TSPAN9: variants seen among roughly 807,000 people sequenced by gnomAD.
TSPAN9 encodes tetraspanin-9.
A neutral mutation model predicts 31.0 loss-of-function variants in TSPAN9; 16 were observed. The observed-to-expected ratio is 0.52, with a 90% CI of 0.35 to 0.78. The LOEUF (loss-of-function observed/expected upper bound fraction) is 0.78, where lower values mean the gene tolerates loss of function less well. Ranked by LOEUF, TSPAN9 falls within the 30% of genes least tolerant of loss-of-function variation. The pLI is 0.01. For missense variants in TSPAN9, 272 were observed against 312.5 expected (o/e 0.87, Z 0.98); for synonymous variants, 145 against 121.6 (o/e 1.19, Z -1.27).
intron 3 of TSPAN9, among the ~76,000 whole-genome samples, chr12:3,205,305 G>A (rs1020260470): frequency 2.0e-5 from 3 of 152,230 alleles, no homozygotes; most frequent in East Asian, 1.9e-4. Flanking sequence ...TGAGGAGGCC[G>A]TGTTCAGCCA....
intron 3 of TSPAN9, among the ~76,000 whole-genome samples, chr12:3,276,394 G>A (rs900410832): frequency 1.7e-4 from 26 of 152,156 alleles, no homozygotes; most frequent in African/African-American, 5.8e-4. Flanking sequence ...CGGCCACCCC[G>A]CCTGCTTTGT....
At chr12:3,167,149 C>T (rs2098348901) in intron 2 of TSPAN9, among the ~76,000 whole-genome samples, 1 of 152,144 alleles carries the variant, frequency 6.6e-6, no homozygotes, top group Non-Finnish European at 1.5e-5. Flanking sequence ...GTTCTTTTGT[C>T]TAGCTTCTAT....
chr12:3,093,857 T>C (rs557959352), intron 2 of TSPAN9, among the ~76,000 whole-genome samples: 1 of 152,280 alleles, frequency 6.6e-6, no homozygotes, highest in South Asian at 2.1e-4. Flanking sequence ...TTATTGTTAA[T>C]TTGTACTTAT....
chr12:3,136,973 C>CG (rs1302601527), intron 2 of TSPAN9, among the ~76,000 whole-genome samples: 4 of 152,182 alleles, frequency 2.6e-5, no homozygotes. Context: ...GTGAAGGCTT[C>CG]GGGTGTGGAA....
intron 2 of TSPAN9, chr12:3,171,695 A>G (rs1728489525): frequency 6.6e-6 from 1 of 152,218 alleles, no homozygotes; most frequent in Non-Finnish European, 1.5e-5. Flanking sequence ...ATGAACTGCT[A>G]TTGACAGATG....
chr12:3,095,237 C>T (rs1379898548), intron 2 of TSPAN9, among the ~76,000 whole-genome samples: 2 of 131,476 alleles, frequency 1.5e-5, no homozygotes, highest in East Asian at 2.1e-4. Flanking sequence ...TTTCTTAGTG[C>T]AGAACAAAAT....
chr12:3,220,783 G>A (rs934178555), intron 3 of TSPAN9, among the ~76,000 whole-genome samples: 9 of 152,050 alleles, frequency 5.9e-5, no homozygotes, highest in Non-Finnish European at 8.8e-5. Flanking sequence ...CCAGCACAGA[G>A]GGCTCTCGGT....
intron 7 of TSPAN9, 142 bp downstream of exon 7, chr12:3,281,471 A>G: frequency 1.0e-6 from 1 of 995,490 alleles, no homozygotes; most frequent in Non-Finnish European, 1.4e-6. Context: ...AATAAAGCCA[A>G]AAGACAGGTG....
At chr12:3,109,299 T>TGTGA (rs1274383200) in intron 2 of TSPAN9, among the ~76,000 whole-genome samples, 33 of 118,350 alleles carry the variant, frequency 2.8e-4, no homozygotes, top group African/African-American at 1.5e-3. Flanking sequence ...TGTGTGTGTG[T>TGTGA]GAGAGAGAGT....
chr12:3,209,988 T>A lies in TSPAN9; in HGVS notation c.63+8732T>A, dbSNP rs898365583. Among the ~76,000 whole-genome samples the A allele has an allele frequency of 4.0e-3, 131 of 32,702 alleles. 24 individuals carry two copies. The highest frequency in any genetic ancestry group is 6.6e-3 in the Non-Finnish European group (71 of 10,818). 21.5% of individuals were successfully genotyped at this position (32,702 alleles called of 152,430 possible). A position where few individuals can be genotyped will look rare whatever the true frequency, so the allele number is the denominator to read the frequency against. On this transcript the variant is annotated intron_variant, in intron 3 of 8. Coordinates refer to ENST00000011898, the MANE Select transcript of TSPAN9 (RefSeq NM_006675.5). Reference sequence around the variant, plus strand: ...AAAAAAAAAAAAAAAAAAAAAAAATTAGCCGGGTGTGGTGGCGGGTGCCTG... The same window carrying A: ...AAAAAAAAAAAAAAAAAAAAAAAATAAGCCGGGTGTGGTGGCGGGTGCCTG...
chr12:3,224,763 G>A (rs901838444), intron 3 of TSPAN9, among the ~76,000 whole-genome samples: 20 of 152,234 alleles, frequency 1.3e-4, no homozygotes, highest in African/African-American at 4.3e-4. Flanking sequence ...CTGGTTTGAC[G>A]TCAGCACGGG....
intron 2 of TSPAN9, among the ~76,000 whole-genome samples, chr12:3,134,612 C>T (rs1591642139): frequency 6.6e-6 from 1 of 152,132 alleles, no homozygotes; most frequent in East Asian, 1.9e-4. Context: ...CAGATGGGCC[C>T]TCTGGAGGGA....
chr12:3,174,740 GC>G (rs1470082702), intron 2 of TSPAN9, among the ~76,000 whole-genome samples: 6 of 136,528 alleles, frequency 4.4e-5, no homozygotes, highest in Non-Finnish European at 1.0e-4. Context: ...CCACCACCGC[GC>G]CCGGCTAATT....
intron 3 of TSPAN9, among the ~76,000 whole-genome samples, chr12:3,268,160 A>AGCCTGCCCTCCGTGTG (rs1565639161): frequency 1.5e-5 from 2 of 130,086 alleles, no homozygotes; most frequent in African/African-American, 2.9e-5. Context: ...CCCTCCGTGC[A>AGCCTGCCCTCCGTGTG]TTCCTGCAGC....
intron 2 of TSPAN9, among the ~76,000 whole-genome samples, chr12:3,104,114 A>G (rs1396171555): frequency 6.6e-6 from 1 of 152,062 alleles, no homozygotes; most frequent in Non-Finnish European, 1.5e-5. Context: ...GTGGGAGCAC[A>G]TGAGGCCTGT....
chr12:3,090,557 T>C (rs2098303763), intron 2 of TSPAN9, among the ~76,000 whole-genome samples: 1 of 152,232 alleles, frequency 6.6e-6, no homozygotes, highest in Admixed American at 6.5e-5. Context: ...GACCTCTTAA[T>C]ATCTAGGCCC....
At chr12:3,100,671 C>A (rs955699455) in intron 2 of TSPAN9, among the ~76,000 whole-genome samples, 2 of 152,164 alleles carry the variant, frequency 1.3e-5, no homozygotes, top group African/African-American at 4.8e-5. Flanking sequence ...GAAGACTCAC[C>A]CCAGGCATCA....
At chr12:3,108,993 T>G (rs11611758) in intron 2 of TSPAN9, among the ~76,000 whole-genome samples, 2,909 of 152,110 alleles carry the variant, frequency 0.019, 33 homozygotes, top group Non-Finnish European at 0.029. Flanking sequence ...TGCAGTGCAG[T>G]GGCGCGATCT....
chr12:3,262,689 C>G (rs1035042182), intron 3 of TSPAN9, among the ~76,000 whole-genome samples: 2 of 151,888 alleles, frequency 1.3e-5, no homozygotes, highest in African/African-American at 2.4e-5. Context: ...CCTCCCCCAG[C>G]CTGTAATTGG....
Sources: gnomAD v4.1 joint callset for allele counts (sites outside exome capture counted in the v4.1 genomes callset) on GRCh38, gnomAD v4.1.1 for gene constraint, MANE v1.5 for transcripts, NCBI Gene and HGNC (gene_info 2026-07-23, HGNC 2026-07-21) for gene names.